The following VCL variants were observed in gnomAD, a reference collection of about 807,000 sequenced individuals.
VCL encodes vinculin.
Under a neutral mutation model 125.7 loss-of-function variants are expected in VCL, and 47 were observed. That is an observed-to-expected ratio of 0.37 (90% CI 0.30 to 0.48). The LOEUF is 0.48. Among genes scored for constraint, VCL ranks in the 20% least tolerant of loss-of-function variants. The pLI, the probability that VCL is intolerant of heterozygous loss-of-function variation, is 0.99. For synonymous variants in VCL, 458 were observed against 514.6 expected, an observed-to-expected ratio of 0.89 and a Z score of 1.49; for missense variants, 1,069 against 1,455.5, an observed-to-expected ratio of 0.73 and a Z score of 4.32.
intron 1 of VCL, among the ~76,000 whole-genome samples, chr10:74,022,502 C>A (rs1048485255): frequency 6.6e-6 from 1 of 151,238 alleles, no homozygotes. Flanking sequence ...GCCAAGATTG[C>A]GCCATTGAAC....
At chr10:74,017,727 T>C (rs1840577925) in intron 1 of VCL, among the ~76,000 whole-genome samples, 1 of 127,066 alleles carries the variant, frequency 7.9e-6, no homozygotes, top group Non-Finnish European at 1.9e-5. Flanking sequence ...GGCTAATTTT[T>C]GTGTGTATGT....
In VCL at chr10:74,101,251, T is replaced by C. The variant is rs552643008; in HGVS notation, c.2022+154T>C. 3.0e-3 allele frequency among the ~76,000 whole-genome samples: 448 copies of C among 151,080 alleles called. 1 individual carries two copies. Among genetic ancestry groups the C allele is most frequent in the Non-Finnish European group, 5.6e-3 (377 of 67,856 alleles). Reference sequence around the variant, plus strand: ...CTATAATTCCGGCACTTTGGGAGGGTGAGGCGGGAGGACTGCTTGAGCCTG... The same window carrying C: ...CTATAATTCCGGCACTTTGGGAGGGCGAGGCGGGAGGACTGCTTGAGCCTG... On this transcript the variant is annotated intron_variant, in intron 14 of 21. Transcript: ENST00000211998.
intron 5 of VCL, among the ~76,000 whole-genome samples, chr10:74,074,471 AT>A (rs1839545176): frequency 6.6e-6 from 1 of 152,172 alleles, no homozygotes; most frequent in South Asian, 2.1e-4. Flanking sequence ...ATATTTTGTG[AT>A]TGCAGGTCAT....
intron 1 of VCL, among the ~76,000 whole-genome samples, chr10:74,021,714 A>G (rs1840670642): frequency 6.6e-6 from 1 of 152,230 alleles, no homozygotes. Flanking sequence ...AGTCTGCTGA[A>G]GTTATATACT....
At chr10:74,018,201 T>TAAAA (rs1555114510) in intron 1 of VCL, among the ~76,000 whole-genome samples, 1 of 139,806 alleles carries the variant, frequency 7.2e-6, no homozygotes, top group African/African-American at 2.6e-5. Flanking sequence ...TATATATATA[T>TAAAA]AAATACATAT....
At chr10:74,009,389 G>T (rs915523675) in intron 1 of VCL, among the ~76,000 whole-genome samples, 1 of 151,924 alleles carries the variant, frequency 6.6e-6, no homozygotes, top group African/African-American at 2.4e-5. Context: ...CTCCCGAGTA[G>T]CTGGGACTAC....
At chr10:74,103,785 T>C (rs751884804) in intron 14 of VCL, 35 bp from the exon 15 acceptor site, 6 of 1,588,892 alleles carry the variant, frequency 3.8e-6, no homozygotes, top group Middle Eastern at 1.7e-4. Context: ...AGAGCAAGGG[T>C]GCTCTGGTGT....
intron 2 of VCL, among the ~76,000 whole-genome samples, chr10:74,059,648 G>T (rs1027991229): frequency 1.3e-5 from 2 of 152,060 alleles, no homozygotes; most frequent in Non-Finnish European, 2.9e-5. Context: ...CTTGTGATCT[G>T]CCTGCCTTGG....
intron 2 of VCL, among the ~76,000 whole-genome samples, chr10:74,054,671 A>C (rs915459699): frequency 9.8e-5 from 15 of 152,322 alleles, no homozygotes; most frequent in Non-Finnish European, 8.8e-5. Flanking sequence ...CTTTAATCCT[A>C]GCACTTCGGG....
chr10:74,033,003 C>T (rs1252503712), intron 1 of VCL, among the ~76,000 whole-genome samples: 1 of 152,046 alleles, frequency 6.6e-6, no homozygotes, highest in African/African-American at 2.4e-5. Context: ...ATAGAGATAC[C>T]ATATGACCCA....
intron 2 of VCL, among the ~76,000 whole-genome samples, chr10:74,052,267 A>G (rs1841312803): frequency 6.6e-6 from 1 of 151,954 alleles, no homozygotes; most frequent in African/African-American, 2.4e-5. Context: ...CTCCTACTTC[A>G]ATTACATATT....
At chr10:74,102,856 G>C (rs1277721997) in intron 14 of VCL, among the ~76,000 whole-genome samples, 2 of 151,886 alleles carry the variant, frequency 1.3e-5, no homozygotes, top group Non-Finnish European at 2.9e-5. Context: ...ATTTGGACTT[G>C]AGACCTCTGT....
intron 2 of VCL, among the ~76,000 whole-genome samples, chr10:74,055,113 A>G (rs551443804): frequency 6.6e-6 from 1 of 152,142 alleles, no homozygotes; most frequent in African/African-American, 2.4e-5. Context: ...CAGTCTGGCT[A>G]ACATGGTGGA....
intron 1 of VCL, among the ~76,000 whole-genome samples, chr10:74,033,112 A>C (rs940908136): frequency 2.0e-5 from 3 of 152,250 alleles, no homozygotes; most frequent in African/African-American, 7.2e-5. Flanking sequence ...ATAATAGCCC[A>C]AAAATGAAAA....
At chr10:74,053,293 C>CT (rs1841338995) in intron 2 of VCL, among the ~76,000 whole-genome samples, 1 of 152,018 alleles carries the variant, frequency 6.6e-6, no homozygotes, top group Non-Finnish European at 1.5e-5. Flanking sequence ...TGTGAGTCAA[C>CT]TTTGGTAGTC....
intron 1 of VCL, among the ~76,000 whole-genome samples, chr10:74,018,177 G>GATATATATAT (rs72407698): frequency 0.024 from 1,944 of 81,670 alleles, 92 homozygotes; most frequent in African/African-American, 0.069. Flanking sequence ...ATATATATAG[G>GATATATATAT]ATATATATAT....
intron 2 of VCL, among the ~76,000 whole-genome samples, chr10:74,046,125 T>G (rs1368029197): frequency 6.6e-6 from 1 of 152,224 alleles, no homozygotes; most frequent in Non-Finnish European, 1.5e-5. Context: ...TGTTTTTTTG[T>G]ACAGCCTGTT....
intron 10 of VCL, among the ~76,000 whole-genome samples, chr10:74,093,387 T>C (rs1429829801): frequency 1.3e-5 from 2 of 152,212 alleles, no homozygotes; most frequent in Non-Finnish European, 2.9e-5. Context: ...AATGGGACAT[T>C]GGGCAAGTTA....
intron 1 of VCL, among the ~76,000 whole-genome samples, chr10:74,029,097 G>T (rs1315483565): frequency 6.6e-6 from 1 of 152,060 alleles, no homozygotes; most frequent in Non-Finnish European, 1.5e-5. Context: ...GGGATTACAG[G>T]CGTGCCTCCA....
Sources: gnomAD v4.1 joint callset for allele counts (sites outside exome capture counted in the v4.1 genomes callset) on GRCh38, gnomAD v4.1.1 for gene constraint, MANE v1.5 for transcripts, NCBI Gene and HGNC (gene_info 2026-07-23, HGNC 2026-07-21) for gene names.